IGSF11: variants seen among roughly 807,000 people sequenced by gnomAD.
IGSF11 encodes the protein CXADR like 1.
IGSF11 carries 22 observed loss-of-function variants against 41.0 expected under a neutral mutation model. The observed-to-expected ratio is 0.54, with a 90% CI of 0.38 to 0.77. The LOEUF (loss-of-function observed/expected upper bound fraction) is 0.77, where lower values mean the gene tolerates loss of function less well. Among genes scored for constraint, IGSF11 ranks in the 30% least tolerant of loss-of-function variants. The pLI is 0.00. For missense variants in IGSF11, 444 were observed against 530.8 expected, an observed-to-expected ratio of 0.84 and a Z score of 1.61; for synonymous variants, 219 against 201.3, an observed-to-expected ratio of 1.09 and a Z score of -0.74.
chr3:119,001,611 T>TCCCTCCC (rs1434400592), intron 1 of IGSF11, among the ~76,000 whole-genome samples: 1 of 111,898 alleles, frequency 8.9e-6, no homozygotes, highest in Non-Finnish European at 1.8e-5. Context: ...CCCAATGCTA[T>TCCCTCCC]CCCTCCCCCC....
intron 4 of IGSF11, among the ~76,000 whole-genome samples, chr3:118,913,935 G>C (rs1411130637): frequency 6.6e-6 from 1 of 152,130 alleles, no homozygotes; most frequent in African/African-American, 2.4e-5. Context: ...GAATGAAAAG[G>C]TCCAAAAAAT....
intron 1 of IGSF11, among the ~76,000 whole-genome samples, chr3:119,111,588 A>C (rs986598681): frequency 6.6e-6 from 1 of 152,014 alleles, no homozygotes; most frequent in African/African-American, 2.4e-5. Context: ...TCTTCTCTCA[A>C]CTCGTCAAAG....
At chr3:118,963,164 T>C (rs980645182) in intron 1 of IGSF11, among the ~76,000 whole-genome samples, 8 of 152,168 alleles carry the variant, frequency 5.3e-5, no homozygotes, top group African/African-American at 1.9e-4. Flanking sequence ...AAAATGCTGA[T>C]TCAAGGACCC....
At chr3:119,092,891 T>G (rs1455177762) in intron 1 of IGSF11, among the ~76,000 whole-genome samples, 1 of 152,196 alleles carries the variant, frequency 6.6e-6, no homozygotes, top group African/African-American at 2.4e-5. Context: ...GCTATACAAG[T>G]TTGTAGCATA....
intron 1 of IGSF11, among the ~76,000 whole-genome samples, chr3:119,044,947 C>T (rs935291254): frequency 9.2e-5 from 14 of 152,204 alleles, no homozygotes; most frequent in African/African-American, 2.6e-4. Flanking sequence ...CAAAATAGAA[C>T]CGCCTTAAAG....
chr3:119,121,722 G>A (rs901818908), intron 1 of IGSF11, among the ~76,000 whole-genome samples: 14 of 152,054 alleles, frequency 9.2e-5, no homozygotes, highest in African/African-American at 2.4e-4. Flanking sequence ...AATGAACTCC[G>A]AGTAGAATAA....
Position 118,997,532 on chromosome 3 carries a change from C to A in IGSF11, c.52+36999G>T, listed in dbSNP as rs533336618. Reference sequence around the variant, plus strand: ...TTTTCACAACACCTCTGCTGCCCCCCCCCAGCCACACCACCCCCCTCCCCC... The same window carrying A: ...TTTTCACAACACCTCTGCTGCCCCCACCCAGCCACACCACCCCCCTCCCCC... On this transcript the variant is annotated intron_variant, in intron 1 of 6. Transcript: ENST00000393775. 1.2e-4 allele frequency among the ~76,000 whole-genome samples: 18 copies of A among 144,692 alleles called. No individual in the cohort carries two copies. In the East Asian group the frequency reaches 1.6e-3, roughly 13 times the overall value. 94.9% of individuals were successfully genotyped at this position (144,692 alleles called of 152,430 possible).
Position 118,902,057 on chromosome 3 carries a change from C to G in IGSF11, c.*463G>C, listed in dbSNP as rs966976017. On this transcript the variant is annotated 3_prime_UTR_variant, in exon 7 of 7. Coordinates refer to ENST00000393775, the MANE Select transcript of IGSF11 (RefSeq NM_001015887.3). Reference sequence around the variant, plus strand: ...TATTAACCATTTATACCATTAAGCCCTCTATATAACGAGGGAATTGGGAGA... The same window carrying G: ...TATTAACCATTTATACCATTAAGCCGTCTATATAACGAGGGAATTGGGAGA... 1.3e-5 allele frequency: 2 copies of G among 159,956 alleles called. No individual in the cohort carries two copies. Among genetic ancestry groups the G allele is most frequent in the African/African-American group, 4.8e-5 (2 of 41,478 alleles). The allele number at this position is 159,956 out of a possible 1,614,324, so 9.9% of individuals were successfully genotyped here. A position where few individuals can be genotyped will look rare whatever the true frequency, so the allele number is the denominator to read the frequency against.
At chr3:118,989,525 G>A (rs915278556) in intron 1 of IGSF11, among the ~76,000 whole-genome samples, 1 of 152,032 alleles carries the variant, frequency 6.6e-6, no homozygotes, top group African/African-American at 2.4e-5. Context: ...GCTAATTTTT[G>A]TATTTTTAGT....
chr3:118,956,197 G>T (rs973020015), intron 1 of IGSF11, among the ~76,000 whole-genome samples: 7 of 152,156 alleles, frequency 4.6e-5, no homozygotes, highest in Admixed American at 3.9e-4. Context: ...TTGGCTTACA[G>T]AAATGTTGTG....
At chr3:119,057,422 G>A (rs1372330010) in intron 1 of IGSF11, among the ~76,000 whole-genome samples, 1 of 152,068 alleles carries the variant, frequency 6.6e-6, no homozygotes, top group Non-Finnish European at 1.5e-5. Context: ...CAAGGGATGT[G>A]AAGGACCTCT....
chr3:118,903,034 T>C, intron 6 of IGSF11, 73 bp from the exon 7 acceptor site: 1 of 1,401,624 alleles, frequency 7.1e-7, no homozygotes, highest in Non-Finnish European at 9.8e-7. Flanking sequence ...CTGGAATCTT[T>C]CTTTTCATGT....
chr3:118,976,314 A>G (rs985472484), intron 1 of IGSF11, among the ~76,000 whole-genome samples: 3 of 152,196 alleles, frequency 2.0e-5, no homozygotes, highest in African/African-American at 7.2e-5. Context: ...TGTTTTCCCA[A>G]CTTGTTCTTT....
At chr3:119,012,626 TC>T (rs1410128134) in intron 1 of IGSF11, 25 of 152,278 alleles carry the variant, frequency 1.6e-4, no homozygotes, top group African/African-American at 6.0e-4. Context: ...TAAATAAAAC[TC>T]CCATCAACAT....
rs2077416781 is a variant in IGSF11, at chr3:119,127,297, A to G, written c.-14+18516T>C. Reference sequence around the variant, plus strand: ...AGGATATCAGTGTGAAGACCACCTTACTGAAATAAGACATGCAGACAAGAA... The same window carrying G: ...AGGATATCAGTGTGAAGACCACCTTGCTGAAATAAGACATGCAGACAAGAA... On this transcript the variant is annotated intron_variant, in intron 1 of 7. Coordinates refer to the IGSF11 transcript ENST00000425327. 2.6e-5 allele frequency among the ~76,000 whole-genome samples: 4 copies of G among 151,908 alleles called. No individual in the cohort carries two copies. In the South Asian group the frequency reaches 8.3e-4, roughly 32 times the overall value.
intron 1 of IGSF11, among the ~76,000 whole-genome samples, chr3:119,016,270 C>A (rs139473176): frequency 1.6e-3 from 245 of 152,300 alleles, no homozygotes; most frequent in African/African-American, 5.4e-3. Context: ...CTGGGGAAGC[C>A]AGGTGGCATA....
chr3:119,045,404 G>T (rs1366901818), intron 1 of IGSF11, among the ~76,000 whole-genome samples: 1 of 152,224 alleles, frequency 6.6e-6, no homozygotes, highest in Admixed American at 6.5e-5. Flanking sequence ...GGAAAATCGG[G>T]TCACTCCCAC....
chr3:119,051,089 A>T (rs1941606541), intron 1 of IGSF11, among the ~76,000 whole-genome samples: 1 of 151,878 alleles, frequency 6.6e-6, no homozygotes, highest in South Asian at 2.1e-4. Flanking sequence ...TGGCACCTGT[A>T]TACATATGTA....
chr3:119,002,491 T>G (rs1386183620), intron 1 of IGSF11, among the ~76,000 whole-genome samples: 50 of 130,074 alleles, frequency 3.8e-4, no homozygotes, highest in African/African-American at 1.7e-3. Flanking sequence ...GTCCCATTTG[T>G]CAATTTTGGC....
Sources: allele counts gnomAD v4.1 joint callset (sites outside exome capture counted in the v4.1 genomes callset), GRCh38; gene constraint gnomAD v4.1.1; transcripts MANE v1.5; gene names NCBI Gene and HGNC (gene_info 2026-07-23, HGNC 2026-07-21).